Variants in RNF19B observed in about 807,000 individuals in gnomAD.
The protein encoded by RNF19B is E3 ubiquitin-protein ligase RNF19B.
A neutral mutation model predicts 65.5 loss-of-function variants in RNF19B; 23 were observed. The ratio of observed to expected loss-of-function variants is 0.35; its 90% confidence interval spans 0.25 to 0.50. The LOEUF (loss-of-function observed/expected upper bound fraction) is 0.50. Among genes scored for constraint, RNF19B ranks in the 20% least tolerant of loss-of-function variants. The pLI is 0.98. For synonymous variants in RNF19B, 372 were observed against 379.6 expected, an observed-to-expected ratio of 0.98 and a Z score of 0.23; for missense variants, 794 against 980.0, an observed-to-expected ratio of 0.81 and a Z score of 2.53.
chr1:32,935,109 T>C (rs563494423), downstream of RNF19B, among the ~76,000 whole-genome samples: 17 of 149,678 alleles, frequency 1.1e-4, no homozygotes, highest in Non-Finnish European at 1.8e-4. Context: ...GGATTGCAGG[T>C]GTGAACCACT....
In RNF19B at chr1:32,936,799, T is replaced by C. The variant is rs542423584; in HGVS notation, c.*7A>G. The C allele has an allele frequency of 2.6e-6, 4 of 1,538,998 alleles. No individual in the cohort carries two copies. The highest frequency in any genetic ancestry group is 1.8e-4 in the Middle Eastern group (1 of 5,686). ...GTGCTTCTCAGAACAGGAGCATTCATTCCACTTCATACTCTGGCTTCTCCA... is the reference window on the plus strand; with the variant it reads ...GTGCTTCTCAGAACAGGAGCATTCACTCCACTTCATACTCTGGCTTCTCCA... On this transcript the variant is annotated 3_prime_UTR_variant, in exon 9 of 9. Coordinates refer to ENST00000235150, the MANE Select transcript of RNF19B (RefSeq NM_001300826.2).
chr1:32,964,769 G>A lies in RNF19B; in HGVS notation c.-84C>T, dbSNP rs975672972. The A allele has an allele frequency of 3.3e-5, 40 of 1,217,352 alleles. No individual in the cohort carries two copies. In the African/African-American group the frequency reaches 5.7e-4, roughly 17 times the overall value. The allele number at this position is 1,217,352 out of a possible 1,614,324, so 75.4% of individuals were successfully genotyped here. A position where few individuals can be genotyped will look rare whatever the true frequency, so the allele number is the denominator to read the frequency against. ...GCCCCTCAGCCAGCGCCCGGCCGCCGCCGACGCCGCCACCACCGCCTCAAC... is the reference window on the plus strand; with the variant it reads ...GCCCCTCAGCCAGCGCCCGGCCGCCACCGACGCCGCCACCACCGCCTCAAC... On this transcript the variant is annotated 5_prime_UTR_variant, in exon 1 of 9. Coordinates refer to ENST00000235150, the MANE Select transcript of RNF19B (RefSeq NM_001300826.2). This position sits in a 1 kb window ranked among gnomAD's most constrained non-coding sequence, Gnocchi z 6.5.
At chr1:32,951,923 T>A (rs569189903) in intron 1 of RNF19B, among the ~76,000 whole-genome samples, 107 of 150,402 alleles carry the variant, frequency 7.1e-4, no homozygotes, top group African/African-American at 2.5e-3. Context: ...GCCTCCCGAG[T>A]AGCTGGGATT....
rs113914269 is a variant in RNF19B, at chr1:32,964,520, G to A, written c.166C>T (p.Pro56Ser). 4 of 1,008,606 alleles carry A rather than the reference G, an allele frequency of 4.0e-6. No homozygotes were observed. The highest frequency in any genetic ancestry group is 1.5e-4 in the East Asian group (2 of 13,188). The allele number at this position is 1,008,606 out of a possible 1,614,324, so 62.5% of individuals were successfully genotyped here. A position where few individuals can be genotyped will look rare whatever the true frequency, so the allele number is the denominator to read the frequency against. The change falls in exon 1 of 9, where the codon CCG becomes TCG. Residue 56 changes from proline (P) to serine (S), a missense_variant. By Grantham distance (74) the Pro-to-Ser change is moderately conservative. Coordinates refer to ENST00000235150, the MANE Select transcript of RNF19B (RefSeq NM_001300826.2). The surrounding 1 kb of genome is among the most constrained non-coding windows in gnomAD (Gnocchi z 6.5). ...GGCGGCTGCGCAGCCGGGGGCGGCG[G>A]CTCGGCCTGCGGCTTGGCCCGGGCG... ...RRARAKPQAE[P>S]PPPAAQPPPA...
At chr1:32,939,323 G>A (rs1413821088) in intron 7 of RNF19B, among the ~76,000 whole-genome samples, 1 of 152,162 alleles carries the variant, frequency 6.6e-6, no homozygotes, top group Non-Finnish European at 1.5e-5. Flanking sequence ...AAGTAGCTGG[G>A]ATTATGGGTT....
At chr1:32,953,641 T>C (rs12409620) in intron 1 of RNF19B, among the ~76,000 whole-genome samples, 10,250 of 152,120 alleles carry the variant, frequency 0.067, 570 homozygotes, top group Admixed American at 0.14. Context: ...TCATATCCTG[T>C]AGGAGTTCTG....
At chr1:32,960,125 T>C (rs1184428462) in intron 1 of RNF19B, among the ~76,000 whole-genome samples, 1 of 152,196 alleles carries the variant, frequency 6.6e-6, no homozygotes, top group Non-Finnish European at 1.5e-5. Flanking sequence ...AATAAAACCA[T>C]ATTTGAGTGT....
chr1:32,957,660 C>G (rs1260347589), intron 1 of RNF19B, among the ~76,000 whole-genome samples: 1 of 152,132 alleles, frequency 6.6e-6, no homozygotes, highest in East Asian at 1.9e-4. Context: ...ATGGTGAAAC[C>G]CTGTTTCTAC....
chr1:32,942,331 C>T lies in RNF19B; in HGVS notation c.1531G>A (p.Glu511Lys). ...GLSVMQGPYS[E>K]TASFAALSGG... is the part of the protein sequence containing the mutation. ...GAGAGGGCTGCAAAGCTGGCCGTTT[C>T]GCTGTAAGGACCTTGCATAACACTA... Residue 511 changes from glutamate (E) to lysine (K), a missense_variant, in exon 7 of 9, where the codon GAA becomes AAA. Coordinates refer to ENST00000235150, the MANE Select transcript of RNF19B (RefSeq NM_001300826.2). 4.3e-6 allele frequency: 7 copies of T among 1,614,138 alleles called. No homozygotes were observed. The highest frequency in any genetic ancestry group is 4.5e-5 in the East Asian group (2 of 44,884).
In RNF19B at chr1:32,948,206, G is replaced by A. The variant is rs768579851; in HGVS notation, c.983+16C>T. The stretch of plus-strand genomic sequence containing the variant: ...GAATGAGACTACGAAAGGAATGGAT[G>A]CATTTCCCATCTTACCTGAGGTAAT... On this transcript the variant is annotated intron_variant, in intron 3 of 8. Coordinates refer to ENST00000235150, the MANE Select transcript of RNF19B (RefSeq NM_001300826.2). The A allele has an allele frequency of 3.0e-5, 49 of 1,612,322 alleles. No individual in the cohort carries two copies. Among genetic ancestry groups the A allele is most frequent in the East Asian group, 4.5e-5 (2 of 44,892 alleles).
downstream of RNF19B, among the ~76,000 whole-genome samples, chr1:32,933,189 T>A (rs1290919128): frequency 6.6e-6 from 1 of 152,218 alleles, no homozygotes; most frequent in Admixed American, 6.5e-5. Flanking sequence ...GCGGTAGGTA[T>A]TTCAGAATGA....
chr1:32,954,738 CAA>C (rs35049190), intron 1 of RNF19B, among the ~76,000 whole-genome samples: 3 of 112,272 alleles, frequency 2.7e-5, no homozygotes, highest in Non-Finnish European at 3.7e-5. Context: ...AATTCCATCT[CAA>C]AAAAAAAAAA....
intron 1 of RNF19B, among the ~76,000 whole-genome samples, chr1:32,962,510 C>A (rs1215837608): frequency 1.3e-5 from 2 of 152,130 alleles, no homozygotes; most frequent in East Asian, 1.9e-4. Flanking sequence ...AAATAGCACA[C>A]CCATTTCTAA....
chr1:32,936,567 TAACC>T lies in RNF19B; in HGVS notation c.*235_*238del, dbSNP rs1642101988. 3 of 442,164 alleles carry T rather than the reference TAACC, an allele frequency of 6.8e-6. No individual in the cohort carries two copies. Among genetic ancestry groups the T allele is most frequent in the Non-Finnish European group, 1.2e-5 (3 of 249,086 alleles). The allele number at this position is 442,164 out of a possible 1,614,324, so 27.4% of individuals were successfully genotyped here. On this transcript the variant is annotated 3_prime_UTR_variant, in exon 9 of 9. Transcript: ENST00000235150. ...ACCTCATGGATTGCTGCCATCAGTT[TAACC>T]AATAAATTAAAACTAAAAAGAGGGA... is the stretch of plus-strand genomic sequence containing the variant.
At chr1:32,952,601 G>A (rs567807882) in intron 1 of RNF19B, among the ~76,000 whole-genome samples, 135 of 152,042 alleles carry the variant, frequency 8.9e-4, no homozygotes, top group Middle Eastern at 3.4e-3. Context: ...AATTAGCTGG[G>A]CATGGTGGCG....
chr1:32,964,660 G>GACTCGGAGTCCT lies in RNF19B; in HGVS notation c.14_25dup (p.Glu8_Ser9insTer). 6.8e-6 allele frequency: 10 copies of GACTCGGAGTCCT among 1,473,400 alleles called. No individual in the cohort carries two copies. Among genetic ancestry groups the GACTCGGAGTCCT allele is most frequent in the Non-Finnish European group, 9.0e-6 (10 of 1,116,454 alleles). 91.3% of individuals were successfully genotyped at this position (1,473,400 alleles called of 1,614,324 possible). ...CGCATGTAGCGATGTGGAGCGCGGCGACTCGGAGTCCTTCTCGGAGCCCAT... is the reference window on the plus strand; with the variant it reads ...CGCATGTAGCGATGTGGAGCGCGGCGACTCGGAGTCCTACTCGGAGTCCTTCTCGGAGCCCAT... On this transcript the variant is annotated stop_gained, in exon 1 of 9. Coordinates refer to ENST00000235150, the MANE Select transcript of RNF19B (RefSeq NM_001300826.2). LOFTEE classifies it high-confidence loss of function. The surrounding 1 kb of genome is among the most constrained non-coding windows in gnomAD (Gnocchi z 6.5).
At chr1:32,941,953 T>C (rs1479714107) in intron 7 of RNF19B, among the ~76,000 whole-genome samples, 2 of 152,064 alleles carry the variant, frequency 1.3e-5, no homozygotes, top group East Asian at 3.9e-4. Context: ...AAAAATTAGC[T>C]GGGCGTGGTG....
intron 1 of RNF19B, among the ~76,000 whole-genome samples, chr1:32,956,677 A>G (rs539693875): frequency 6.6e-6 from 1 of 152,342 alleles, no homozygotes; most frequent in African/African-American, 2.4e-5. Context: ...TTAATTTCCT[A>G]AATCTTCAGA....
At position 32,964,666 on chromosome 1, in the gene RNF19B, G is replaced by C; in HGVS notation, c.20C>G (p.Ser7Cys). Residue 7 changes from serine (S) to cysteine (C), a missense_variant, in exon 1 of 9, where the codon TCC (serine) becomes TGC (cysteine). Transcript: ENST00000235150. This position sits in a 1 kb window ranked among gnomAD's most constrained non-coding sequence, Gnocchi z 6.5. MGSEKD[S>C]ESPRSTSLHA... Reference sequence around the variant, plus strand: ...TAGCGATGTGGAGCGCGGCGACTCGGAGTCCTTCTCGGAGCCCATGGCCGG... The same window carrying C: ...TAGCGATGTGGAGCGCGGCGACTCGCAGTCCTTCTCGGAGCCCATGGCCGG... 6.8e-7 allele frequency: 1 copy of C among 1,471,888 alleles called. No homozygotes were observed. The highest frequency in any genetic ancestry group is 1.3e-5 in the South Asian group (1 of 78,130). The allele number at this position is 1,471,888 out of a possible 1,614,324, so 91.2% of individuals were successfully genotyped here.
Sources: gnomAD v4.1 joint callset for allele counts (sites outside exome capture counted in the v4.1 genomes callset) on GRCh38, gnomAD v4.1.1 for gene constraint, Gnocchi (gnomAD v3.1) non-coding constraint, MANE v1.5 for transcripts, NCBI Gene and HGNC (gene_info 2026-07-23, HGNC 2026-07-21) for gene names.